Variants in PNPLA8 observed in about 807,000 individuals in gnomAD.
PNPLA8 encodes the protein calcium-independent phospholipase A2-gamma.
PNPLA8 carries 39 observed loss-of-function variants against 76.9 expected under a neutral mutation model. The observed-to-expected ratio is 0.51, with a 90% CI of 0.39 to 0.66. The LOEUF is 0.66. Ranked by LOEUF, PNPLA8 falls within the 30% of genes least tolerant of loss-of-function variation. PNPLA8 has a pLI of 0.00. For synonymous variants in PNPLA8, 301 were observed against 307.9 expected (o/e 0.98, Z 0.24); for missense variants, 887 against 918.0 (o/e 0.97, Z 0.44).
chr7:108,485,619 A>C (rs1563940356), intron 9 of PNPLA8, among the ~76,000 whole-genome samples: 1 of 152,070 alleles, frequency 6.6e-6, no homozygotes, highest in Non-Finnish European at 1.5e-5. Context: ...ACTTGGCAAA[A>C]CTTCTGAGTG....
At position 108,497,501 on chromosome 7, in the gene PNPLA8, T is replaced by C. The variant is rs1309322497; in HGVS notation, c.1435A>G (p.Ile479Val). The change falls in exon 6 of 11, where the codon ATT becomes GTT. Residue 479 changes from isoleucine to valine, a missense_variant. Ile to Val is a conservative substitution (Grantham distance 29, BLOSUM62 3). Coordinates refer to ENST00000257694, the MANE Select transcript of PNPLA8 (RefSeq NM_001256007.3). The stretch of plus-strand genomic sequence containing the variant: ...TAATTACCTGTGCTTACACCACAAA[T>C]GTAATCAAAGAGCTGATGAACTGGC... ...QKPVHQLFDY[I>V]CGVSTGAILA... The C allele has an allele frequency of 6.2e-7, 1 of 1,609,010 alleles. No individual in the cohort carries two copies. The highest frequency in any genetic ancestry group is 2.2e-5 in the East Asian group (1 of 44,710).
intron 2 of PNPLA8, chr7:108,518,305 T>C (rs1863485367): frequency 1.3e-5 from 2 of 152,104 alleles, no homozygotes; most frequent in Admixed American, 6.5e-5. Flanking sequence ...GGCAAAACTA[T>C]GAAGACAGTA....
intron 4 of PNPLA8, among the ~76,000 whole-genome samples, chr7:108,507,442 C>T (rs1189481912): frequency 6.6e-6 from 1 of 151,472 alleles, no homozygotes; most frequent in African/African-American, 2.4e-5. Flanking sequence ...TTGCTTGAGC[C>T]CAAGAATTCG....
At position 108,514,235 on chromosome 7, in the gene PNPLA8, C is replaced by T; in HGVS notation, c.1115G>A (p.Arg372Lys). 1 of 1,610,496 alleles carries T rather than the reference C, an allele frequency of 6.2e-7. No individual in the cohort carries two copies. Among genetic ancestry groups the T allele is most frequent in the Non-Finnish European group, 8.5e-7 (1 of 1,176,726 alleles). Residue 372 changes from arginine to lysine, a missense_variant, in exon 4 of 11, where the codon AGA (arginine) becomes AAA (lysine). By Grantham distance (26) the Arg-to-Lys change is conservative. Coordinates refer to ENST00000257694, the MANE Select transcript of PNPLA8 (RefSeq NM_001256007.3). ...AATGCAGAGCTTTGGGTCAGTTGTT[C>T]TTCTTAATGCCTGAACTAATGCCCG... ...RTRALVQALRRTTDPKLCITR... is the reference protein window; with the variant it reads ...RTRALVQALRKTTDPKLCITR...
intron 8 of PNPLA8, among the ~76,000 whole-genome samples, chr7:108,489,503 A>G (rs188629366): frequency 6.6e-6 from 1 of 152,336 alleles, no homozygotes; most frequent in Non-Finnish European, 1.5e-5. Flanking sequence ...CTCTTTAAAA[A>G]TATGCTTTCA....
intron 2 of PNPLA8, among the ~76,000 whole-genome samples, chr7:108,521,191 G>T (rs1380666213): frequency 6.6e-6 from 1 of 152,086 alleles, no homozygotes; most frequent in African/African-American, 2.4e-5. Flanking sequence ...AATTAAGTAG[G>T]TCTAAAATGT....
intron 6 of PNPLA8, among the ~76,000 whole-genome samples, chr7:108,497,064 T>C (rs1563956238): frequency 1.3e-5 from 2 of 152,156 alleles, no homozygotes; most frequent in Non-Finnish European, 1.5e-5. Flanking sequence ...TTTACAAATG[T>C]GTTGTTTTAC....
intron 2 of PNPLA8, among the ~76,000 whole-genome samples, chr7:108,519,081 AAG>A: frequency 6.6e-6 from 1 of 152,010 alleles, no homozygotes; most frequent in East Asian, 1.9e-4. Context: ...AAAAAAAAAA[AAG>A]AGGTTAAAAA....
intron 9 of PNPLA8, among the ~76,000 whole-genome samples, chr7:108,482,717 T>C (rs531219188): frequency 6.6e-6 from 1 of 152,354 alleles, no homozygotes; most frequent in East Asian, 1.9e-4. Context: ...AACATACAGA[T>C]TCCCTATGTT....
At chr7:108,507,770 G>A (rs1219400883) in intron 4 of PNPLA8, among the ~76,000 whole-genome samples, 2 of 151,938 alleles carry the variant, frequency 1.3e-5, no homozygotes, top group African/African-American at 2.4e-5. Context: ...TTTGAAAACC[G>A]GTAACTAAAA....
At chr7:108,513,600 T>C (rs1863090262) in intron 4 of PNPLA8, among the ~76,000 whole-genome samples, 2 of 152,082 alleles carry the variant, frequency 1.3e-5, no homozygotes, top group African/African-American at 4.8e-5. Context: ...AGTCATATTT[T>C]ATAGCACTTC....
At chr7:108,526,655 C>T (rs1420673060), upstream of PNPLA8, among the ~76,000 whole-genome samples, 2 of 152,234 alleles carry the variant, frequency 1.3e-5, no homozygotes, top group Admixed American at 6.5e-5. Context: ...ATATCCATTC[C>T]TGGGCATGGC....
At chr7:108,504,198 G>T (rs1038056564) in intron 4 of PNPLA8, among the ~76,000 whole-genome samples, 4 of 152,188 alleles carry the variant, frequency 2.6e-5, no homozygotes, top group Admixed American at 6.5e-5. Context: ...CCCAGAAAAA[G>T]ATATAATTTG....
rs145433627 is a variant in PNPLA8, at chr7:108,497,221, A to C, written c.1453+262T>G. On this transcript the variant is annotated intron_variant, in intron 6 of 10. Coordinates refer to ENST00000257694, the MANE Select transcript of PNPLA8 (RefSeq NM_001256007.3). ...TCCTTCAAGTTAGTCCTAGGAACCA[A>C]TGTAATTAAACATATTAGGTACTCT... 1.2e-4 allele frequency among the ~76,000 whole-genome samples: 18 copies of C among 152,314 alleles called. No homozygotes were observed. The East Asian group carries it at 2.7e-3, about 23-fold the overall frequency.
chr7:108,479,201 C>T lies in PNPLA8; in HGVS notation c.2057G>A (p.Ser686Asn), dbSNP rs750225358. 15 of 1,610,786 alleles carry T rather than the reference C, an allele frequency of 9.3e-6. No homozygotes were observed. The highest frequency in any genetic ancestry group is 1.3e-5 in the Non-Finnish European group (15 of 1,177,088). The change falls in exon 10 of 11, where the codon AGT becomes AAT. Residue 686 changes from serine (S) to asparagine (N), a missense_variant. Ser to Asn is a conservative substitution (Grantham distance 46, BLOSUM62 1). Transcript: ENST00000257694. Reference sequence around the variant, plus strand: ...AGACTAACCTTCTGTATCTGTAGCACTGTTGATAACATTAGAAAGTTTAGT... The same window carrying T: ...AGACTAACCTTCTGTATCTGTAGCATTGTTGATAACATTAGAAAGTTTAGT... ...LKTKLSNVIN[S>N]ATDTEEVHIM...
chr7:108,502,698 A>AT, intron 4 of PNPLA8, 56 bp from the exon 5 acceptor site: 1 of 1,310,604 alleles, frequency 7.6e-7, no homozygotes, highest in Non-Finnish European at 1.1e-6. Flanking sequence ...CTGAAAATGT[A>AT]TGATTATTAT....
At chr7:108,490,420 G>A (rs1039266425) in intron 8 of PNPLA8, among the ~76,000 whole-genome samples, 3 of 152,186 alleles carry the variant, frequency 2.0e-5, no homozygotes, top group African/African-American at 7.2e-5. Flanking sequence ...TTCTCAGAAT[G>A]TATCCCTATC....
intron 4 of PNPLA8, among the ~76,000 whole-genome samples, chr7:108,505,711 C>T (rs115154090): frequency 0.018 from 2,704 of 151,772 alleles, 91 homozygotes; most frequent in African/African-American, 0.061. Context: ...AAACAGGACA[C>T]AAAATACTAA....
intron 10 of PNPLA8, among the ~76,000 whole-genome samples, chr7:108,477,382 C>A (rs1192065307): frequency 1.3e-5 from 2 of 152,002 alleles, no homozygotes; most frequent in Non-Finnish European, 2.9e-5. Context: ...GGTTTTCATT[C>A]AATGAATAAA....
Sources: allele counts gnomAD v4.1 joint callset (sites outside exome capture counted in the v4.1 genomes callset), GRCh38; gene constraint gnomAD v4.1.1; transcripts MANE v1.5; gene names NCBI Gene and HGNC (gene_info 2026-07-23, HGNC 2026-07-21).